LRRFIP2: variants seen among roughly 807,000 people sequenced by gnomAD.
LRRFIP2 encodes the protein leucine-rich repeat flightless-interacting protein 2.
A neutral mutation model predicts 125.9 loss-of-function variants in LRRFIP2; 109 were observed. That is an observed-to-expected ratio of 0.87 (90% CI 0.74 to 1.01). LRRFIP2 has a LOEUF of 1.01. LRRFIP2 is among the 50% of genes least tolerant of loss of function. The probability of loss-of-function intolerance (pLI) is 0.00; values close to 1 mark genes in which losing one functional copy is unlikely to be tolerated. For missense variants in LRRFIP2, 850 were observed against 862.3 expected (o/e 0.99, Z 0.18); for synonymous variants, 291 against 293.1 (o/e 0.99, Z 0.07).
rs1018788709 is a variant in LRRFIP2, at chr3:37,058,856, C to T, written c.1804G>A (p.Asp602Asn). 8 of 1,613,906 alleles carry T rather than the reference C, an allele frequency of 5.0e-6. No individual in the cohort carries two copies. Among genetic ancestry groups the T allele is most frequent in the Non-Finnish European group, 5.9e-6 (7 of 1,179,974 alleles). ...CCTGCCAGGTCACCCACTGTGCCATCATTCCTGGAGCATTTCTGTCGTTCC... is the reference window on the plus strand; with the variant it reads ...CCTGCCAGGTCACCCACTGTGCCATTATTCCTGGAGCATTTCTGTCGTTCC... The part of the protein sequence containing the change: ...EEERQKCSRN[D>N]GTVGDLAGLQ... Residue 602 changes from aspartate (D) to asparagine (N), a missense_variant, in exon 25 of 28, where the codon GAT (aspartate) becomes AAT (asparagine). By Grantham distance (23) the Asp-to-Asn change is conservative (BLOSUM62 1). Transcript: ENST00000336686.
intron 4 of LRRFIP2, among the ~76,000 whole-genome samples, chr3:37,123,007 C>G (rs2095120738): frequency 6.6e-6 from 1 of 152,188 alleles, no homozygotes; most frequent in Admixed American, 6.5e-5. Flanking sequence ...CTTATCAATG[C>G]TGTATTTTTG....
chr3:37,107,615 T>C (rs2094389599), intron 13 of LRRFIP2, among the ~76,000 whole-genome samples: 1 of 152,224 alleles, frequency 6.6e-6, no homozygotes, highest in South Asian at 2.1e-4. Flanking sequence ...ATTATAATTG[T>C]CCCAGTTTTG....
chr3:37,152,305 G>A (rs140195258), intron 1 of LRRFIP2, among the ~76,000 whole-genome samples: 34 of 152,216 alleles, frequency 2.2e-4, no homozygotes, highest in African/African-American at 7.5e-4. Context: ...GGGCAAGGAC[G>A]GCTGGGTAAG....
chr3:37,077,782 C>A (rs2092248094), intron 19 of LRRFIP2, among the ~76,000 whole-genome samples: 1 of 151,986 alleles, frequency 6.6e-6, no homozygotes, highest in South Asian at 2.1e-4. Flanking sequence ...AATGCATAAG[C>A]AAAATGTGGT....
At chr3:37,169,272 A>G (rs2096552462) in intron 1 of LRRFIP2, among the ~76,000 whole-genome samples, 1 of 152,212 alleles carries the variant, frequency 6.6e-6, no homozygotes, top group South Asian at 2.1e-4. Context: ...AACAGAGTAA[A>G]TTTTATGTTA....
intron 15 of LRRFIP2, among the ~76,000 whole-genome samples, chr3:37,100,134 C>T (rs543507412): frequency 3.3e-5 from 5 of 152,072 alleles, no homozygotes; most frequent in African/African-American, 7.2e-5. Context: ...ATACTGTAGG[C>T]TTTTCCAGGA....
At chr3:37,073,018 A>G in intron 20 of LRRFIP2, 136 bp from the exon 21 acceptor site, 1 of 559,958 alleles carries the variant, frequency 1.8e-6, no homozygotes, top group Non-Finnish European at 3.1e-6. Flanking sequence ...AGGAAAAGCA[A>G]AATTGGTCTG....
chr3:37,083,785 C>G lies in LRRFIP2; in HGVS notation c.1129G>C (p.Glu377Gln). Residue 377 changes from glutamate (E) to glutamine (Q), a missense_variant, in exon 19 of 28, where the codon GAA becomes CAA. By Grantham distance (29) the Glu-to-Gln change is conservative. Coordinates refer to ENST00000336686, the MANE Select transcript of LRRFIP2 (RefSeq NM_006309.4). ...ELKESLSEVE[E>Q]KYKKAMVSNA... ...GAAACCATGGCTTTCTTGTATTTTT[C>G]TTCCACTTCAGACAAAGATTCCTAA... 1.3e-6 allele frequency: 2 copies of G among 1,587,874 alleles called. No homozygotes were observed. Among genetic ancestry groups the G allele is most frequent in the Non-Finnish European group, 1.7e-6 (2 of 1,172,146 alleles).
chr3:37,105,613 C>A, intron 13 of LRRFIP2, 90 bp from the exon 14 acceptor site: 2 of 852,166 alleles, frequency 2.3e-6, no homozygotes, highest in Non-Finnish European at 4.0e-6. Flanking sequence ...TTTTGAGATG[C>A]ATATGAATAA....
At chr3:37,073,903 C>T (rs2091661666) in intron 20 of LRRFIP2, among the ~76,000 whole-genome samples, 1 of 152,130 alleles carries the variant, frequency 6.6e-6, no homozygotes, top group African/African-American at 2.4e-5. Context: ...AAGAATTTCA[C>T]ATTATTTTAA....
chr3:37,075,935 A>G (rs1296041080), intron 19 of LRRFIP2, among the ~76,000 whole-genome samples: 1 of 152,214 alleles, frequency 6.6e-6, no homozygotes, highest in Non-Finnish European at 1.5e-5. Context: ...AGCATCTCAA[A>G]TCAATGAGAA....
intron 4 of LRRFIP2, among the ~76,000 whole-genome samples, chr3:37,126,005 T>A (rs1010517258): frequency 7.3e-6 from 1 of 137,332 alleles, no homozygotes; most frequent in African/African-American, 2.5e-5. Context: ...CACCAAAGAA[T>A]CAGTTTTTTT....
chr3:37,054,394 CAT>C lies in LRRFIP2; in HGVS notation c.2055+15_2055+16del, dbSNP rs770473650. The C allele has an allele frequency of 1.1e-5, 17 of 1,575,918 alleles. No individual in the cohort carries two copies. Among genetic ancestry groups the C allele is most frequent in the East Asian group, 9.0e-5 (4 of 44,662 alleles). On this transcript the variant is annotated intron_variant, in intron 27 of 27. Coordinates refer to ENST00000336686, the MANE Select transcript of LRRFIP2 (RefSeq NM_006309.4). Reference sequence around the variant, plus strand: ...TTTTAGGAATGTATTCTCCAAGAAACATATTAAAAGAAGTACCTCTCGTTGTA... The same window carrying C: ...TTTTAGGAATGTATTCTCCAAGAAACATTAAAAGAAGTACCTCTCGTTGTA...
intron 8 of LRRFIP2, among the ~76,000 whole-genome samples, chr3:37,111,337 C>T (rs1337536626): frequency 2.6e-5 from 4 of 152,164 alleles, no homozygotes; most frequent in Non-Finnish European, 4.4e-5. Context: ...TCATGCCATA[C>T]TTAAGAAAGT....
chr3:37,135,160 C>T (rs897505694), intron 2 of LRRFIP2: 2 of 1,085,036 alleles, frequency 1.8e-6, no homozygotes, highest in African/African-American at 3.2e-5. Context: ...CTTTAAATTA[C>T]TGTTTAAAAA....
At chr3:37,108,219 C>A in intron 12 of LRRFIP2, 90 bp from the exon 13 acceptor site, 1 of 1,009,994 alleles carries the variant, frequency 9.9e-7, no homozygotes, top group South Asian at 1.4e-5. Context: ...CCTAACTTGC[C>A]CCTGGTTCTC....
chr3:37,159,626 C>G (rs1028376147), intron 1 of LRRFIP2, among the ~76,000 whole-genome samples: 10 of 152,148 alleles, frequency 6.6e-5, no homozygotes, highest in South Asian at 2.1e-4. Flanking sequence ...CCTACCTCAG[C>G]CTCCTGAATA....
intron 6 of LRRFIP2, among the ~76,000 whole-genome samples, chr3:37,116,894 T>C (rs962716355): frequency 1.2e-4 from 19 of 152,120 alleles, no homozygotes; most frequent in African/African-American, 4.6e-4. Flanking sequence ...GCAAAATATC[T>C]GTACCGCATG....
chr3:37,102,673 T>C (rs1167188082), intron 15 of LRRFIP2, among the ~76,000 whole-genome samples: 5 of 151,892 alleles, frequency 3.3e-5, no homozygotes, highest in African/African-American at 1.2e-4. Context: ...TAATTTTTTT[T>C]GTATTTTTAA....
Sources: gnomAD v4.1 joint callset for allele counts (sites outside exome capture counted in the v4.1 genomes callset) on GRCh38, gnomAD v4.1.1 for gene constraint, MANE v1.5 for transcripts, NCBI Gene and HGNC (gene_info 2026-07-23, HGNC 2026-07-21) for gene names.